ATR: variants seen among roughly 807,000 people sequenced by gnomAD.
ATR encodes the protein ATR checkpoint kinase.
Under a neutral mutation model 305.3 loss-of-function variants are expected in ATR, and 142 were observed. The ratio of observed to expected loss-of-function variants is 0.47; its 90% CI spans 0.41 to 0.53. The LOEUF is 0.53. Ranked by LOEUF, ATR falls within the 20% of genes least tolerant of loss-of-function variation. The pLI, the probability that ATR is intolerant of heterozygous loss-of-function variation, is 0.00. For missense variants in ATR, 2,135 were observed against 3,133.1 expected (o/e 0.68, Z 7.60); for synonymous variants, 1,050 against 1,068.1 (o/e 0.98, Z 0.33).
At chr3:142,464,011 A>G (rs2071075708) in intron 41 of ATR, among the ~76,000 whole-genome samples, 1 of 152,258 alleles carries the variant, frequency 6.6e-6, no homozygotes, top group Non-Finnish European at 1.5e-5. Flanking sequence ...AATTCAAAAT[A>G]CATAAAACCA....
At chr3:142,467,039 A>G (rs1157955360) in intron 39 of ATR, among the ~76,000 whole-genome samples, 1 of 152,204 alleles carries the variant, frequency 6.6e-6, no homozygotes, top group Non-Finnish European at 1.5e-5. Flanking sequence ...TGTCAAGTGC[A>G]TCAGAGGTCA....
intron 34 of ATR, among the ~76,000 whole-genome samples, chr3:142,493,761 G>A (rs1015733485): frequency 2.6e-5 from 4 of 151,864 alleles, no homozygotes; most frequent in Non-Finnish European, 5.9e-5. Flanking sequence ...CCAGCTACTC[G>A]GGAGGCTGAG....
chr3:142,468,095 T>A, intron 38 of ATR, 27 bp from the exon 39 acceptor site: 1 of 1,608,398 alleles, frequency 6.2e-7, no homozygotes, highest in Non-Finnish European at 8.5e-7. Flanking sequence ...TTAAATGTCA[T>A]AAAAAAGAGT....
chr3:142,510,288 G>A (rs1474713012), intron 27 of ATR, among the ~76,000 whole-genome samples: 1 of 151,956 alleles, frequency 6.6e-6, no homozygotes, highest in Non-Finnish European at 1.5e-5. Context: ...TTGAGCCCAG[G>A]AGTTAGAGAC....
intron 35 of ATR, among the ~76,000 whole-genome samples, chr3:142,485,619 GAT>G (rs113409577): frequency 0.018 from 2,731 of 152,146 alleles, 30 homozygotes; most frequent in South Asian, 0.041. Flanking sequence ...ACATATATAT[GAT>G]ATGTGTGTGT....
chr3:142,534,482 G>T (rs1232671255), intron 21 of ATR, among the ~76,000 whole-genome samples: 1 of 152,024 alleles, frequency 6.6e-6, no homozygotes, highest in African/African-American at 2.4e-5. Context: ...AGGGTCTTAG[G>T]CTCTCATATC....
intron 1 of ATR, 119 bp downstream of exon 1, chr3:142,578,527 G>T: frequency 1.7e-6 from 2 of 1,198,292 alleles, no homozygotes; most frequent in South Asian, 3.0e-5. Flanking sequence ...TCTCCACAAG[G>T]GCCGCAGCGG....
intron 36 of ATR, among the ~76,000 whole-genome samples, chr3:142,477,270 A>G (rs2029923059): frequency 1.3e-5 from 2 of 152,210 alleles, no homozygotes; most frequent in African/African-American, 4.8e-5. Flanking sequence ...TGTCCCATCA[A>G]TACCTAATTT....
chr3:142,466,271 A>C, intron 40 of ATR, 53 bp downstream of exon 40: 1 of 1,523,302 alleles, frequency 6.6e-7, no homozygotes, highest in Non-Finnish European at 9.1e-7. Context: ...TCTTAATTTG[A>C]AGTTTTTAAC....
At chr3:142,543,779 C>T (rs917421956) in intron 16 of ATR, among the ~76,000 whole-genome samples, 6 of 152,060 alleles carry the variant, frequency 3.9e-5, no homozygotes, top group African/African-American at 1.4e-4. Flanking sequence ...AAGCAATCCT[C>T]CCAGCTCAGC....
chr3:142,511,201 T>TACACACACACAC (rs145651691), intron 27 of ATR, among the ~76,000 whole-genome samples: 1 of 150,052 alleles, frequency 6.7e-6, no homozygotes, highest in East Asian at 1.9e-4. Flanking sequence ...AGTACACACA[T>TACACACACACAC]ACACACACAC....
At chr3:142,467,902 T>C in intron 39 of ATR, 32 bp downstream of exon 39, 1 of 1,607,664 alleles carries the variant, frequency 6.2e-7, no homozygotes, top group Non-Finnish European at 8.5e-7. Flanking sequence ...TTACCCAACA[T>C]CAGTTTATAA....
intron 21 of ATR, among the ~76,000 whole-genome samples, chr3:142,532,087 G>A (rs12629713): frequency 0.34 from 51,900 of 151,954 alleles, 9,413 homozygotes; most frequent in Middle Eastern, 0.44. Context: ...GCTCATGCTC[G>A]GTGGGCTGCA....
intron 36 of ATR, among the ~76,000 whole-genome samples, chr3:142,478,420 TG>T (rs999134515): frequency 6.6e-6 from 1 of 152,248 alleles, no homozygotes; most frequent in Admixed American, 6.5e-5. Context: ...TTCTTAATCC[TG>T]GGTTCTAGTT....
intron 44 of ATR, among the ~76,000 whole-genome samples, chr3:142,458,653 T>A (rs756381284): frequency 1.3e-5 from 2 of 152,150 alleles, no homozygotes; most frequent in South Asian, 4.1e-4. Flanking sequence ...TCTCTAAAAC[T>A]GAGTCTCAGT....
At chr3:142,538,903 A>T in intron 18 of ATR, among the ~76,000 whole-genome samples, 1 of 152,188 alleles carries the variant, frequency 6.6e-6, no homozygotes, top group Non-Finnish European at 1.5e-5. Flanking sequence ...CAGAGGGTGG[A>T]TATACAAAAA....
intron 2 of ATR, among the ~76,000 whole-genome samples, chr3:142,567,428 G>A (rs1158626172): frequency 6.6e-6 from 1 of 152,134 alleles, no homozygotes. Flanking sequence ...TCATTTTACT[G>A]ATTGAAAAAG....
At chr3:142,543,724 T>C (rs2034152209) in intron 16 of ATR, among the ~76,000 whole-genome samples, 1 of 151,908 alleles carries the variant, frequency 6.6e-6, no homozygotes, top group Non-Finnish European at 1.5e-5. Flanking sequence ...GGCTGAAGTG[T>C]AGTGGCACAA....
At chr3:142,478,045 T>C (rs1039420761) in intron 36 of ATR, among the ~76,000 whole-genome samples, 4 of 152,236 alleles carry the variant, frequency 2.6e-5, no homozygotes, top group Non-Finnish European at 4.4e-5. Flanking sequence ...AACCAGCTCC[T>C]GGATTCATTG....
Sources: allele counts gnomAD v4.1 joint callset (sites outside exome capture counted in the v4.1 genomes callset), GRCh38; gene constraint gnomAD v4.1.1; transcripts MANE v1.5; gene names NCBI Gene and HGNC (gene_info 2026-07-23, HGNC 2026-07-21).